Variants in EML4 observed in about 807,000 individuals in gnomAD.
EML4 encodes EMAP like 4.
A neutral mutation model predicts 129.0 loss-of-function variants in EML4; 72 were observed. The ratio of observed to expected loss-of-function variants is 0.56; its 90% confidence interval spans 0.46 to 0.68. The LOEUF (loss-of-function observed/expected upper bound fraction) is 0.68. Among genes scored for constraint, EML4 ranks in the 30% least tolerant of loss-of-function variants. The pLI, the probability that EML4 is intolerant of heterozygous loss-of-function variation, is 0.00. For missense variants in EML4, 1,363 were observed against 1,190.6 expected, an observed-to-expected ratio of 1.14 and a Z score of -2.13; for synonymous variants, 532 against 405.0, an observed-to-expected ratio of 1.31 and a Z score of -3.77.
rs181079144 is a variant in EML4 at position 42,301,607 on chromosome 2, G to A, written c.1641+215G>A. On this transcript the variant is annotated intron_variant, in intron 14 of 22. Coordinates refer to ENST00000318522, the MANE Select transcript of EML4 (RefSeq NM_019063.5). ...TTTGAAAGACTATTTTTAAAGATTAGGCAGAATAATTTGCCTGTTAAAACC... is the reference window on the plus strand; with the variant it reads ...TTTGAAAGACTATTTTTAAAGATTAAGCAGAATAATTTGCCTGTTAAAACC... Among the ~76,000 whole-genome samples the A allele has an allele frequency of 2.7e-3, 402 of 151,290 alleles. 3 individuals carry two copies. Among genetic ancestry groups the A allele is most frequent in the South Asian group, 9.8e-3 (47 of 4,796 alleles).
At chr2:42,196,621 G>A (rs1278642598) in intron 1 of EML4, among the ~76,000 whole-genome samples, 1 of 152,218 alleles carries the variant, frequency 6.6e-6, no homozygotes, top group Non-Finnish European at 1.5e-5. Flanking sequence ...CTTACTTTAT[G>A]TATCTAGTTA....
Position 42,309,223 on chromosome 2 carries a change from T to C in EML4, c.1967+4672T>C, listed in dbSNP as rs376000448. Reference sequence around the variant, plus strand: ...GAGTTTGAGACCAACCTGGGCAATATAGCAAGACCTTGCCTCTACAAAAAA... The same window carrying C: ...GAGTTTGAGACCAACCTGGGCAATACAGCAAGACCTTGCCTCTACAAAAAA... On this transcript the variant is annotated intron_variant, in intron 17 of 22. Coordinates refer to ENST00000318522, the MANE Select transcript of EML4 (RefSeq NM_019063.5). Among the ~76,000 whole-genome samples the C allele has an allele frequency of 3.2e-4, 48 of 151,242 alleles. 1 individual carries two copies. In the South Asian group the frequency reaches 8.8e-3, roughly 28 times the overall value.
At chr2:42,187,930 A>G (rs946299859) in intron 1 of EML4, among the ~76,000 whole-genome samples, 8 of 152,088 alleles carry the variant, frequency 5.3e-5, no homozygotes, top group African/African-American at 1.4e-4. Flanking sequence ...TGCCTAACCC[A>G]GGGTCACAAA....
intron 16 of EML4, among the ~76,000 whole-genome samples, 182 bp from the exon 17 acceptor site, chr2:42,304,302 A>G (rs547163668): frequency 6.6e-6 from 1 of 152,382 alleles, no homozygotes; most frequent in South Asian, 2.1e-4. Context: ...CTCTGCCAGC[A>G]TATCCCCTTC....
chr2:42,217,257 A>C (rs1380652457), intron 1 of EML4, among the ~76,000 whole-genome samples: 1 of 152,160 alleles, frequency 6.6e-6, no homozygotes, highest in Non-Finnish European at 1.5e-5. Context: ...ACAAATTGTA[A>C]TCTTAGGGAT....
chr2:42,218,933 G>A (rs973978389), intron 1 of EML4, among the ~76,000 whole-genome samples: 1 of 152,064 alleles, frequency 6.6e-6, no homozygotes, highest in African/African-American at 2.4e-5. Flanking sequence ...CAAGCAGCTA[G>A]GAATACAAAC....
chr2:42,214,439 A>AT (rs11441016), intron 1 of EML4, among the ~76,000 whole-genome samples: 49,531 of 150,998 alleles, frequency 0.33, 8,356 homozygotes, highest in East Asian at 0.56. Flanking sequence ...TTTACAGCGG[A>AT]TTTTTTTTTC....
rs191227565 is a variant in EML4 at position 42,326,044 on chromosome 2, G to T, written c.2243-110G>T. 2.7e-4 allele frequency: 389 copies of T among 1,422,924 alleles called. No individual in the cohort carries two copies. The African/African-American group carries it at 5.2e-3, about 19-fold the overall frequency. 88.1% of individuals were successfully genotyped at this position (1,422,924 alleles called of 1,614,324 possible). On this transcript the variant is annotated intron_variant, in intron 20 of 22. Transcript: ENST00000318522. ...TTTAAATGTGTCTTAATGTTTTTCAGTGTATGGATTATAAATACAAGTAAA... is the reference window on the plus strand; with the variant it reads ...TTTAAATGTGTCTTAATGTTTTTCATTGTATGGATTATAAATACAAGTAAA...
intron 1 of EML4, among the ~76,000 whole-genome samples, chr2:42,203,597 A>G (rs950827419): frequency 1.3e-5 from 2 of 151,630 alleles, no homozygotes; most frequent in African/African-American, 2.4e-5. Flanking sequence ...ATTAATACTA[A>G]CAGCCGTTTA....
intron 11 of EML4, among the ~76,000 whole-genome samples, chr2:42,293,096 C>A (rs1305129964): frequency 6.6e-6 from 1 of 151,940 alleles, no homozygotes; most frequent in Admixed American, 6.6e-5. Context: ...ATGTGCTGTA[C>A]TTTATCTTCA....
chr2:42,180,477 G>A (rs542243123), intron 1 of EML4, among the ~76,000 whole-genome samples: 1 of 152,290 alleles, frequency 6.6e-6, no homozygotes, highest in African/African-American at 2.4e-5. Context: ...TGTGCTAAGT[G>A]GTGTGCCAGG....
chr2:42,175,381 G>GGCATTACAGACGTGA, intron 1 of EML4, among the ~76,000 whole-genome samples: 1 of 149,720 alleles, frequency 6.7e-6, no homozygotes, highest in South Asian at 2.1e-4. Flanking sequence ...CCAAAGTGCT[G>GGCATTACAGACGTGA]GCATTACAGA....
chr2:42,221,334 C>T (rs545314994), intron 1 of EML4, among the ~76,000 whole-genome samples: 4 of 150,672 alleles, frequency 2.7e-5, no homozygotes, highest in Admixed American at 6.6e-5. Flanking sequence ...TTCTACCCTG[C>T]GCATGTGTAT....
chr2:42,207,075 A>T (rs1391756388), intron 1 of EML4, among the ~76,000 whole-genome samples: 1 of 152,218 alleles, frequency 6.6e-6, no homozygotes, highest in African/African-American at 2.4e-5. Context: ...ACACTGTAGT[A>T]ATAGATTACT....
rs1053824144 is a variant in EML4 at position 42,330,238 on chromosome 2, C to T, written c.*31C>T. 1 of 1,578,506 alleles carries T rather than the reference C, an allele frequency of 6.3e-7. No individual in the cohort carries two copies. Among genetic ancestry groups the T allele is most frequent in the Non-Finnish European group, 8.7e-7 (1 of 1,149,292 alleles). On this transcript the variant is annotated 3_prime_UTR_variant, in exon 23 of 23. Coordinates refer to ENST00000318522, the MANE Select transcript of EML4 (RefSeq NM_019063.5). Reference sequence around the variant, plus strand: ...TGGCTTCAGTGCAACTCTTTTCCTTCAGCTGCATGTGATTTTGTGATAAAG... The same window carrying T: ...TGGCTTCAGTGCAACTCTTTTCCTTTAGCTGCATGTGATTTTGTGATAAAG...
chr2:42,188,275 A>T (rs1572847919), intron 1 of EML4, among the ~76,000 whole-genome samples: 1 of 152,168 alleles, frequency 6.6e-6, no homozygotes, highest in African/African-American at 2.4e-5. Context: ...TATTTGAAAA[A>T]TAATGTAGAG....
intron 3 of EML4, among the ~76,000 whole-genome samples, chr2:42,257,006 G>C (rs924778151): frequency 6.6e-6 from 1 of 152,092 alleles, no homozygotes; most frequent in Non-Finnish European, 1.5e-5. Flanking sequence ...CAGAATCTTC[G>C]ATATATCTAT....
At chr2:42,179,662 G>A (rs1477910493) in intron 1 of EML4, among the ~76,000 whole-genome samples, 1 of 152,176 alleles carries the variant, frequency 6.6e-6, no homozygotes, top group Admixed American at 6.5e-5. Flanking sequence ...GGGTGCGGTG[G>A]CATGATCTTG....
At chr2:42,310,297 T>TA (rs1668861545) in intron 17 of EML4, among the ~76,000 whole-genome samples, 1 of 151,628 alleles carries the variant, frequency 6.6e-6, no homozygotes, top group Non-Finnish European at 1.5e-5. Context: ...CCCTTCCCAT[T>TA]CCCCTTTCCC....
Sources: allele counts gnomAD v4.1 joint callset (sites outside exome capture counted in the v4.1 genomes callset), GRCh38; gene constraint gnomAD v4.1.1; transcripts MANE v1.5; gene names NCBI Gene and HGNC (gene_info 2026-07-23, HGNC 2026-07-21).